The following KIAA1328 variants were observed in gnomAD, a reference collection of about 807,000 sequenced individuals.
KIAA1328 encodes KIAA1328.
Under a neutral mutation model 68.1 loss-of-function variants are expected in KIAA1328, and 52 were observed. The observed-to-expected ratio is 0.76, with a 90% confidence interval of 0.61 to 0.96. The LOEUF (loss-of-function observed/expected upper bound fraction) is 0.96. KIAA1328 is among the 40% of genes least tolerant of loss of function. The pLI is 0.00. For missense variants in KIAA1328, 641 were observed against 677.6 expected, an observed-to-expected ratio of 0.95 and a Z score of 0.60; for synonymous variants, 232 against 239.4, an observed-to-expected ratio of 0.97 and a Z score of 0.28.
intron 7 of KIAA1328, among the ~76,000 whole-genome samples, chr18:37,131,698 A>G (rs1599376821): frequency 6.6e-6 from 1 of 152,214 alleles, no homozygotes; most frequent in Non-Finnish European, 1.5e-5. Context: ...GCAACTATAC[A>G]GTAGTGCCTG....
chr18:36,933,557 A>G (rs372595663), intron 5 of KIAA1328, among the ~76,000 whole-genome samples: 211 of 152,294 alleles, frequency 1.4e-3, no homozygotes, highest in African/African-American at 4.8e-3. Flanking sequence ...TTTGAAAGTA[A>G]CTGAGTCCCA....
chr18:37,140,370 T>C (rs2058740846), intron 7 of KIAA1328, among the ~76,000 whole-genome samples: 1 of 152,138 alleles, frequency 6.6e-6, no homozygotes. Flanking sequence ...GTTAATGTTT[T>C]TCTACTTTTT....
intron 7 of KIAA1328, among the ~76,000 whole-genome samples, chr18:37,107,624 T>G (rs992777906): frequency 2.0e-5 from 3 of 152,312 alleles, no homozygotes; most frequent in African/African-American, 7.2e-5. Context: ...CTGTGGCTAT[T>G]GTAAGTGGGA....
rs34096013 is a variant in KIAA1328 at position 36,913,543 on chromosome 18, TACACAC to T, written c.448+27892_448+27897del. Among the ~76,000 whole-genome samples the T allele has an allele frequency of 7.6e-4, 100 of 131,496 alleles. 1 individual carries two copies. The highest frequency in any genetic ancestry group is 1.2e-3 in the Non-Finnish European group (71 of 61,634). 86.3% of individuals were successfully genotyped at this position (131,496 alleles called of 152,430 possible). ...ACACACTTAGAGGAAAGCAACTGCC[TACACAC>T]ACACACACACACACACACACTACTT... On this transcript the variant is annotated intron_variant, in intron 5 of 9. Coordinates refer to ENST00000280020, the MANE Select transcript of KIAA1328 (RefSeq NM_020776.3).
intron 7 of KIAA1328, among the ~76,000 whole-genome samples, chr18:37,107,428 A>C (rs553846501): frequency 2.6e-5 from 4 of 152,322 alleles, no homozygotes; most frequent in African/African-American, 9.6e-5. Flanking sequence ...AATAGCACTG[A>C]ATCTGTAAAT....
chr18:36,864,304 GT>G (rs201692806), intron 4 of KIAA1328, among the ~76,000 whole-genome samples: 293 of 138,890 alleles, frequency 2.1e-3, no homozygotes, highest in Non-Finnish European at 2.5e-3. Flanking sequence ...TGTTATAATT[GT>G]TTTTTTTTTT....
chr18:36,946,679 T>C (rs552836293), intron 5 of KIAA1328, among the ~76,000 whole-genome samples: 35 of 152,262 alleles, frequency 2.3e-4, no homozygotes, highest in Admixed American at 6.5e-5. Flanking sequence ...ACATAATGGG[T>C]TTTTTCTTTT....
chr18:36,955,182 A>G lies in KIAA1328; in HGVS notation c.449-4126A>G, dbSNP rs564747738. Among the ~76,000 whole-genome samples, 14 of 150,486 alleles carry G rather than the reference A, an allele frequency of 9.3e-5. No homozygotes were observed. In the East Asian group the frequency reaches 2.8e-3, roughly 30 times the overall value. On this transcript the variant is annotated intron_variant, in intron 5 of 9. Coordinates refer to ENST00000280020, the MANE Select transcript of KIAA1328 (RefSeq NM_020776.3). ...TGGAGTTTCTCATCACCCAGGCTAG[A>G]GTGCAATGGCATGATCTCAGCTCGG... is the stretch of plus-strand genomic sequence containing the variant.
chr18:37,032,181 A>G (rs1457403012), intron 6 of KIAA1328, among the ~76,000 whole-genome samples: 1 of 152,170 alleles, frequency 6.6e-6, no homozygotes, highest in African/African-American at 2.4e-5. Flanking sequence ...CCCTGTCTCA[A>G]AAACAAAAAG....
intron 3 of KIAA1328, among the ~76,000 whole-genome samples, chr18:36,836,587 T>C (rs1291116413): frequency 6.6e-6 from 1 of 152,160 alleles, no homozygotes; most frequent in Non-Finnish European, 1.5e-5. Context: ...AAAATACATA[T>C]TACATTTGCT....
Position 37,060,857 on chromosome 18 carries a change from C to T in KIAA1328, c.577-6033C>T, listed in dbSNP as rs557998289. On this transcript the variant is annotated intron_variant, in intron 6 of 9. Coordinates refer to ENST00000280020, the MANE Select transcript of KIAA1328 (RefSeq NM_020776.3). ...AGCGGGCTGAGCGCTGTGGCTCACG[C>T]CTGTAATCTCAGCACTTTGGGAGGC... is the stretch of plus-strand genomic sequence containing the variant. Among the ~76,000 whole-genome samples, 31 of 152,306 alleles carry T rather than the reference C, an allele frequency of 2.0e-4. No individual in the cohort carries two copies. In the South Asian group the frequency reaches 2.7e-3, roughly 13 times the overall value.
At chr18:36,950,116 T>C (rs1180697208) in intron 5 of KIAA1328, among the ~76,000 whole-genome samples, 3 of 152,202 alleles carry the variant, frequency 2.0e-5, no homozygotes, top group Admixed American at 1.3e-4. Context: ...ACTAGATATA[T>C]AATTTAGACC....
chr18:36,883,671 G>A (rs2048393808), intron 4 of KIAA1328, among the ~76,000 whole-genome samples: 2 of 152,046 alleles, frequency 1.3e-5, no homozygotes, highest in Admixed American at 6.5e-5. Flanking sequence ...AAACACTTTT[G>A]GTCCCAAGCA....
intron 6 of KIAA1328, among the ~76,000 whole-genome samples, chr18:37,014,849 C>T (rs183424198): frequency 6.6e-6 from 1 of 152,272 alleles, no homozygotes; most frequent in East Asian, 1.9e-4. Context: ...CAAACCATAT[C>T]AGATTCTTAC....
chr18:37,024,850 G>A (rs931177796), intron 6 of KIAA1328, among the ~76,000 whole-genome samples: 1 of 152,120 alleles, frequency 6.6e-6, no homozygotes, highest in African/African-American at 2.4e-5. Context: ...ATGTGCATGT[G>A]TCTTTATAGC....
chr18:37,153,790 G>T (rs2059093071), intron 7 of KIAA1328, among the ~76,000 whole-genome samples: 1 of 148,380 alleles, frequency 6.7e-6, no homozygotes, highest in African/African-American at 2.5e-5. Context: ...GGAATTAAGA[G>T]GTATCTATCT....
intron 8 of KIAA1328, among the ~76,000 whole-genome samples, chr18:37,165,581 G>A (rs942961328): frequency 1.1e-3 from 159 of 149,110 alleles, no homozygotes; most frequent in African/African-American, 3.9e-3. Flanking sequence ...CACCACACCC[G>A]GCTAATTTTT....
intron 3 of KIAA1328, among the ~76,000 whole-genome samples, chr18:36,835,925 A>C (rs548407633): frequency 6.6e-6 from 1 of 152,272 alleles, no homozygotes; most frequent in Admixed American, 6.5e-5. Context: ...CTTGTATATG[A>C]ATGTTCTGGA....
At chr18:37,093,507 A>T (rs888355263) in intron 7 of KIAA1328, among the ~76,000 whole-genome samples, 1 of 152,176 alleles carries the variant, frequency 6.6e-6, no homozygotes, top group Non-Finnish European at 1.5e-5. Flanking sequence ...AATAACATTA[A>T]AAATACAATT....
Sources: allele counts gnomAD v4.1 joint callset (sites outside exome capture counted in the v4.1 genomes callset), GRCh38; gene constraint gnomAD v4.1.1; transcripts MANE v1.5; gene names NCBI Gene and HGNC (gene_info 2026-07-23, HGNC 2026-07-21).